Variants in INCENP observed in about 807,000 individuals in gnomAD.
INCENP encodes the protein inner centromere protein.
A neutral mutation model predicts 107.3 loss-of-function variants in INCENP; 43 were observed. That is an observed-to-expected ratio of 0.40 (90% CI 0.31 to 0.52). INCENP has a LOEUF of 0.52. Among genes scored for constraint, INCENP ranks in the 20% least tolerant of loss-of-function variants. The pLI, the probability that INCENP is intolerant of heterozygous loss-of-function variation, is 0.53. For missense variants in INCENP, 1,089 were observed against 1,250.9 expected, an observed-to-expected ratio of 0.87 and a Z score of 1.95; for synonymous variants, 488 against 494.4, an observed-to-expected ratio of 0.99 and a Z score of 0.17.
intron 15 of INCENP, among the ~76,000 whole-genome samples, chr11:62,147,166 G>A (rs1191658594): frequency 1.3e-5 from 2 of 152,198 alleles, no homozygotes; most frequent in African/African-American, 4.8e-5. Flanking sequence ...ACTGTCAGGA[G>A]TGTGGTGCTC....
chr11:62,152,046 T>C lies in INCENP; in HGVS notation c.*70T>C. 1 of 1,221,696 alleles carries C rather than the reference T, an allele frequency of 8.2e-7. No homozygotes were observed. Among genetic ancestry groups the C allele is most frequent in the Middle Eastern group, 2.4e-4 (1 of 4,088 alleles). The allele number at this position is 1,221,696 out of a possible 1,614,324, so 75.7% of individuals were successfully genotyped here. A position where few individuals can be genotyped will look rare whatever the true frequency, so the allele number is the denominator to read the frequency against. The stretch of plus-strand genomic sequence containing the variant: ...CTATCTGTCTGTCTGTCGGTCTCTG[T>C]CTTGGTCTGTTGCCCTCCTTCTTGG... On this transcript the variant is annotated 3_prime_UTR_variant, in exon 19 of 19. Coordinates refer to ENST00000394818, the MANE Select transcript of INCENP (RefSeq NM_001040694.2).
At chr11:62,128,911 GA>G in intron 3 of INCENP, 28 bp downstream of exon 3, 1 of 1,440,874 alleles carries the variant, frequency 6.9e-7, no homozygotes, top group Non-Finnish European at 9.8e-7. Context: ...AGAGTGAGCT[GA>G]GCAGTGGGCT....
At chr11:62,151,096 G>A (rs2134688568) in intron 18 of INCENP, among the ~76,000 whole-genome samples, 2 of 152,344 alleles carry the variant, frequency 1.3e-5, no homozygotes, top group South Asian at 4.1e-4. Context: ...ACTTTGAACA[G>A]CTTACTTAAA....
chr11:62,131,279 T>C (rs1943888187), intron 4 of INCENP, among the ~76,000 whole-genome samples: 1 of 152,200 alleles, frequency 6.6e-6, no homozygotes, highest in African/African-American at 2.4e-5. Flanking sequence ...TCCTTGCCTG[T>C]CAACTGGGGC....
Position 62,150,170 on chromosome 11 carries a change from G to A in INCENP, c.2505G>A (p.Glu835=). ...ATAGCGACGACTCCACCGATGATGA[G>A]GCCCATCCCCGGAAGCCCATCCCCA... ...DLNSDDSTDD[E]AHPRKPIPTW... The change falls in exon 18 of 19, where the codon GAG becomes GAA. Residue 835 remains glutamate, a synonymous_variant. Coordinates refer to ENST00000394818, the MANE Select transcript of INCENP (RefSeq NM_001040694.2). The A allele has an allele frequency of 6.2e-7, 1 of 1,614,040 alleles. No individual in the cohort carries two copies. Among genetic ancestry groups the A allele is most frequent in the East Asian group, 2.2e-5 (1 of 44,860 alleles).
At chr11:62,141,725 ACT>A in intron 11 of INCENP, 1 of 661,414 alleles carries the variant, frequency 1.5e-6, no homozygotes, top group Non-Finnish European at 2.7e-6. Flanking sequence ...CCTGCCCTTG[ACT>A]CTGCTCTTAG....
At chr11:62,147,633 G>T (rs1024333800) in intron 15 of INCENP, among the ~76,000 whole-genome samples, 2 of 152,142 alleles carry the variant, frequency 1.3e-5, no homozygotes, top group East Asian at 1.9e-4. Flanking sequence ...TCCCTCTCCC[G>T]CTCTACCTCC....
chr11:62,149,107 G>A (rs1245939423), intron 17 of INCENP, among the ~76,000 whole-genome samples: 1 of 152,046 alleles, frequency 6.6e-6, no homozygotes, highest in Non-Finnish European at 1.5e-5. Flanking sequence ...TACTAAGCGC[G>A]TTGTATATCC....
chr11:62,142,270 G>A (rs1944141093), intron 11 of INCENP, among the ~76,000 whole-genome samples: 1 of 152,252 alleles, frequency 6.6e-6, no homozygotes. Flanking sequence ...TCCAGTTGAG[G>A]GCCTCGGCAG....
chr11:62,125,144 G>A (rs1006672493), intron 1 of INCENP, among the ~76,000 whole-genome samples: 64 of 152,332 alleles, frequency 4.2e-4, no homozygotes, highest in African/African-American at 1.5e-3. Context: ...ATGGGTTGAA[G>A]AAGAGATTTT....
intron 5 of INCENP, among the ~76,000 whole-genome samples, chr11:62,138,193 T>C (rs1317309595): frequency 1.3e-5 from 2 of 152,128 alleles, no homozygotes; most frequent in Non-Finnish European, 2.9e-5. Flanking sequence ...TGGGGTAGGA[T>C]AGGAGTGCTC....
At chr11:62,150,462 G>T (rs1020117351) in intron 18 of INCENP, among the ~76,000 whole-genome samples, 1 of 102,830 alleles carries the variant, frequency 9.7e-6, no homozygotes, top group Non-Finnish European at 2.4e-5. Flanking sequence ...AATTGTGCTG[G>T]GCTTGGGCAT....
At chr11:62,147,663 C>CT (rs1944281464) in intron 15 of INCENP, among the ~76,000 whole-genome samples, 1 of 152,236 alleles carries the variant, frequency 6.6e-6, no homozygotes, top group African/African-American at 2.4e-5. Flanking sequence ...CCGGGCAGCA[C>CT]GTTTTTTCCG....
chr11:62,141,613 T>C, intron 11 of INCENP, 102 bp downstream of exon 11: 2 of 1,440,838 alleles, frequency 1.4e-6, no homozygotes, highest in South Asian at 1.1e-5. Flanking sequence ...TGCACTAACA[T>C]TGTAAGCGGG....
intron 1 of INCENP, among the ~76,000 whole-genome samples, chr11:62,127,129 T>C (rs554333282): frequency 1.3e-5 from 2 of 151,832 alleles, no homozygotes; most frequent in East Asian, 3.9e-4. Context: ...CTCCACTTCC[T>C]TAGTTCAAGT....
rs141067856 is a variant in INCENP, at chr11:62,144,565, C to T, written c.1606-417C>T. Among the ~76,000 whole-genome samples, 496 of 152,310 alleles carry T rather than the reference C, an allele frequency of 3.3e-3. 1 individual carries two copies. The highest frequency in any genetic ancestry group is 0.011 in the African/African-American group (464 of 41,548). On this transcript the variant is annotated intron_variant, in intron 11 of 18. Transcript: ENST00000394818. The stretch of plus-strand genomic sequence containing the variant: ...AGTAGTAAGTTAAACCTTGCATCTG[C>T]ACCACCCCCTTACTAGAACATTCAC...
In INCENP at chr11:62,145,065, G is replaced by A. The variant is rs1944210353; in HGVS notation, c.1689G>A (p.Lys563=). 1 of 1,613,424 alleles carries A rather than the reference G, an allele frequency of 6.2e-7. No homozygotes were observed. Among genetic ancestry groups the A allele is most frequent in the African/African-American group, 1.3e-5 (1 of 74,912 alleles). ...GCAGGCAGAAGGTGGAGGAGGACAA[G>A]CGGCGGCGGCTGGAGGAGGTGAAGC... ...QLRRQKVEED[K]RRRLEEVKLK... The change falls in exon 12 of 19, where the codon AAG becomes AAA. Residue 563 remains lysine (K), a synonymous_variant. Coordinates refer to ENST00000394818, the MANE Select transcript of INCENP (RefSeq NM_001040694.2).
chr11:62,149,124 A>G, intron 17 of INCENP, among the ~76,000 whole-genome samples: 1 of 152,014 alleles, frequency 6.6e-6, no homozygotes, highest in East Asian at 1.9e-4. Flanking sequence ...ATCCTTCTAG[A>G]TTTTTACTTA....
Position 62,146,805 on chromosome 11 carries a change from C to G in INCENP, c.2107C>G (p.Arg703Gly). 5 of 1,535,838 alleles carry G rather than the reference C, an allele frequency of 3.3e-6. No individual in the cohort carries two copies. The East Asian group carries it at 9.9e-5, about 30-fold the overall frequency. The change falls in exon 15 of 19, where the codon CGC becomes GGC. Residue 703 changes from arginine to glycine, a missense_variant. Arg to Gly is a moderately radical substitution (Grantham distance 125). Coordinates refer to ENST00000394818, the MANE Select transcript of INCENP (RefSeq NM_001040694.2). ...REQERREQER[R>G]EQERREQERR... Reference sequence around the variant, plus strand: ...GCAGGAGCGGCGCGAGCAGGAGCGGCGCGAGCAGGAGCGGCGGGAGCAGGA... The same window carrying G: ...GCAGGAGCGGCGCGAGCAGGAGCGGGGCGAGCAGGAGCGGCGGGAGCAGGA...
Sources: allele counts gnomAD v4.1 joint callset (sites outside exome capture counted in the v4.1 genomes callset), GRCh38; gene constraint gnomAD v4.1.1; transcripts MANE v1.5; gene names NCBI Gene and HGNC (gene_info 2026-07-23, HGNC 2026-07-21).